ARL8B: variants seen among roughly 807,000 people sequenced by gnomAD.
ARL8B encodes the protein ADP-ribosylation factor-like protein 8B.
In ARL8B, 9 loss-of-function variants were observed where a neutral mutation model predicts 30.6. That is an observed-to-expected ratio of 0.29 (90% CI 0.18 to 0.51). ARL8B has a LOEUF of 0.51. Ranked by LOEUF, ARL8B falls within the 20% of genes least tolerant of loss-of-function variation. ARL8B has a pLI of 0.97. For synonymous variants in ARL8B, 74 were observed against 76.0 expected (o/e 0.97, Z 0.14); for missense variants, 130 against 227.2 (o/e 0.57, Z 2.75).
rs114852253 is a variant in ARL8B, at chr3:5,151,901, T to A, written c.124-18602T>A. 8.8e-3 allele frequency among the ~76,000 whole-genome samples: 1,338 copies of A among 152,210 alleles called. 17 individuals carry two copies. The highest frequency in any genetic ancestry group is 0.03 in the African/African-American group (1,258 of 41,550). On this transcript the variant is annotated intron_variant, in intron 1 of 6. Coordinates refer to ENST00000256496, the MANE Select transcript of ARL8B (RefSeq NM_018184.3). Reference sequence around the variant, plus strand: ...GACCACGTCTGGCTAATTTTTATAATTTTTTTGTAGAGACCGAGTCTTGCC... The same window carrying A: ...GACCACGTCTGGCTAATTTTTATAAATTTTTTGTAGAGACCGAGTCTTGCC...
rs1219568778 is a variant in ARL8B at position 5,158,119 on chromosome 3, G to A, written c.124-12384G>A. Among the ~76,000 whole-genome samples, 10 of 152,154 alleles carry A rather than the reference G, an allele frequency of 6.6e-5. No homozygotes were observed. In the South Asian group the frequency reaches 8.3e-4, roughly 13 times the overall value. On this transcript the variant is annotated intron_variant, in intron 1 of 6. Transcript: ENST00000256496. Reference sequence around the variant, plus strand: ...GCCTCCAAAGTAGCTAGGATCACAGGTGCTCACCACTTTGCCACCACTCCC... The same window carrying A: ...GCCTCCAAAGTAGCTAGGATCACAGATGCTCACCACTTTGCCACCACTCCC...
chr3:5,153,442 C>A (rs527574166), intron 1 of ARL8B, among the ~76,000 whole-genome samples: 12 of 152,086 alleles, frequency 7.9e-5, no homozygotes, highest in Non-Finnish European at 1.8e-4. Context: ...GAGTGACTTG[C>A]TCCTGCTTGC....
Position 5,132,165 on chromosome 3 carries a change from G to C in ARL8B, c.123+9577G>C, listed in dbSNP as rs527781640. ...TGGCCTCCCAGTGTTGGGAGTACAGGCATGAGCCTGTACTGTGCCTAAGTC... is the reference window on the plus strand; with the variant it reads ...TGGCCTCCCAGTGTTGGGAGTACAGCCATGAGCCTGTACTGTGCCTAAGTC... On this transcript the variant is annotated intron_variant, in intron 1 of 6. Coordinates refer to ENST00000256496, the MANE Select transcript of ARL8B (RefSeq NM_018184.3). Among the ~76,000 whole-genome samples, 21 of 152,250 alleles carry C rather than the reference G, an allele frequency of 1.4e-4. No individual in the cohort carries two copies. The South Asian group carries it at 3.7e-3, about 27-fold the overall frequency.
At chr3:5,147,419 G>A (rs2054429638) in intron 1 of ARL8B, among the ~76,000 whole-genome samples, 1 of 152,000 alleles carries the variant, frequency 6.6e-6, no homozygotes, top group Non-Finnish European at 1.5e-5. Context: ...TGGACATTTG[G>A]GTTGGTTCCA....
intron 1 of ARL8B, among the ~76,000 whole-genome samples, chr3:5,163,936 A>G (rs539065143): frequency 1.3e-5 from 2 of 152,306 alleles, no homozygotes; most frequent in South Asian, 2.1e-4. Flanking sequence ...TGTGTTTGCA[A>G]TAAATATTGT....
In ARL8B at chr3:5,132,638, T is replaced by C. The variant is rs114232728; in HGVS notation, c.123+10050T>C. Among the ~76,000 whole-genome samples the C allele has an allele frequency of 3.5e-3, 530 of 152,316 alleles. 2 individuals are homozygous for C. The highest frequency in any genetic ancestry group is 0.012 in the African/African-American group (511 of 41,580). On this transcript the variant is annotated intron_variant, in intron 1 of 6. Transcript: ENST00000256496. Reference sequence around the variant, plus strand: ...AAGACTTTATCATATTTTACAATGCTGTACCCCATTGCTAAGAACAGTCCC... The same window carrying C: ...AAGACTTTATCATATTTTACAATGCCGTACCCCATTGCTAAGAACAGTCCC...
intron 1 of ARL8B, among the ~76,000 whole-genome samples, chr3:5,167,362 ATAATGACTC>A (rs1486039104): frequency 3.3e-5 from 5 of 152,214 alleles, no homozygotes; most frequent in Non-Finnish European, 7.3e-5. Context: ...CTCTGAAATA[ATAATGACTC>A]TAAAGCAGAA....
intron 1 of ARL8B, among the ~76,000 whole-genome samples, chr3:5,144,243 T>G (rs1365759361): frequency 6.6e-6 from 1 of 152,214 alleles, no homozygotes; most frequent in Non-Finnish European, 1.5e-5. Flanking sequence ...GACTTCCACC[T>G]AGCCAGAAAG....
chr3:5,133,651 C>T (rs968999844), intron 1 of ARL8B, among the ~76,000 whole-genome samples: 6 of 151,968 alleles, frequency 3.9e-5, no homozygotes, highest in Non-Finnish European at 8.8e-5. Context: ...CAGGCTGGGG[C>T]GTGGTGGCTC....
chr3:5,123,754 A>G (rs1277544705), intron 1 of ARL8B, among the ~76,000 whole-genome samples: 1 of 152,246 alleles, frequency 6.6e-6, no homozygotes, highest in African/African-American at 2.4e-5. Context: ...TAATAAAGCA[A>G]CAGGAATGAG....
intron 1 of ARL8B, among the ~76,000 whole-genome samples, chr3:5,141,013 G>C (rs1003298304): frequency 5.3e-5 from 8 of 152,178 alleles, no homozygotes; most frequent in Non-Finnish European, 1.2e-4. Flanking sequence ...CATTGGTTGA[G>C]TACTATGGGG....
intron 1 of ARL8B, among the ~76,000 whole-genome samples, chr3:5,165,793 C>T (rs1002891573): frequency 5.9e-5 from 9 of 152,282 alleles, no homozygotes; most frequent in South Asian, 4.2e-4. Flanking sequence ...ATTTCCCATG[C>T]TGTTGTTAAT....
At chr3:5,166,042 C>CTTT (rs760445533) in intron 1 of ARL8B, among the ~76,000 whole-genome samples, 17 of 140,626 alleles carry the variant, frequency 1.2e-4, no homozygotes, top group African/African-American at 4.4e-4. Flanking sequence ...CTTAAGATAT[C>CTTT]TTTTTTTTTT....
At chr3:5,177,600 C>T (rs1006551864) in intron 6 of ARL8B, among the ~76,000 whole-genome samples, 1 of 151,688 alleles carries the variant, frequency 6.6e-6, no homozygotes, top group Non-Finnish European at 1.5e-5. Flanking sequence ...GGATTACAGG[C>T]GCCCGCTGCC....
chr3:5,135,437 T>A (rs1003036168), intron 1 of ARL8B, among the ~76,000 whole-genome samples: 3 of 151,736 alleles, frequency 2.0e-5, no homozygotes, highest in Admixed American at 2.0e-4. Context: ...GAGCCATTGT[T>A]CCTGGCTCAC....
chr3:5,169,364 C>G (rs1257102652), intron 1 of ARL8B, among the ~76,000 whole-genome samples: 1 of 151,246 alleles, frequency 6.6e-6, no homozygotes, highest in Non-Finnish European at 1.5e-5. Flanking sequence ...ACTTCTGGCT[C>G]ATTTCATTTA....
At chr3:5,163,245 G>T (rs567455568) in intron 1 of ARL8B, among the ~76,000 whole-genome samples, 1 of 151,892 alleles carries the variant, frequency 6.6e-6, no homozygotes, top group South Asian at 2.1e-4. Context: ...CCTCAGCCTC[G>T]AAAAGTGCTG....
Position 5,122,599 on chromosome 3 carries a change from G to C in ARL8B, c.123+11G>C. ...GTCAATGTCATCGCGGTGAGCGCCCGCCCACTCACTCGCCCGGGGCTCCGC... is the reference window on the plus strand; with the variant it reads ...GTCAATGTCATCGCGGTGAGCGCCCCCCCACTCACTCGCCCGGGGCTCCGC... On this transcript the variant is annotated intron_variant, in intron 1 of 6. Transcript: ENST00000256496. The C allele has an allele frequency of 2.5e-6, 4 of 1,593,070 alleles. No individual in the cohort carries two copies. Among genetic ancestry groups the C allele is most frequent in the Non-Finnish European group, 3.4e-6 (4 of 1,166,992 alleles).
At chr3:5,145,058 C>T (rs1559279222) in intron 1 of ARL8B, among the ~76,000 whole-genome samples, 1 of 150,436 alleles carries the variant, frequency 6.6e-6, no homozygotes. Context: ...GTGTTTATTT[C>T]CATCAGTGAT....
Sources: gnomAD v4.1 joint callset for allele counts (sites outside exome capture counted in the v4.1 genomes callset) on GRCh38, gnomAD v4.1.1 for gene constraint, MANE v1.5 for transcripts, NCBI Gene and HGNC (gene_info 2026-07-23, HGNC 2026-07-21) for gene names.